FREM3: variants seen among roughly 807,000 people sequenced by gnomAD.
FREM3 encodes FRAS1-related extracellular matrix protein 3.
Under a neutral mutation model 129.1 loss-of-function variants are expected in FREM3, and 105 were observed. The observed-to-expected ratio is 0.81, with a 90% CI of 0.69 to 0.96. The LOEUF is 0.96. FREM3 is among the 40% of genes least tolerant of loss of function. The probability of loss-of-function intolerance (pLI) is 0.00; values close to 1 mark genes in which losing one functional copy is unlikely to be tolerated. For missense variants in FREM3, 2,593 were observed against 2,666.3 expected (o/e 0.97, Z 0.61); for synonymous variants, 1,014 against 1,044.9 (o/e 0.97, Z 0.57).
intron 2 of FREM3, among the ~76,000 whole-genome samples, chr4:143,651,754 G>C (rs549218523): frequency 3.9e-5 from 6 of 152,166 alleles, no homozygotes; most frequent in Non-Finnish European, 8.8e-5. Flanking sequence ...TTTAACCTGT[G>C]AGAAAATAAT....
intron 7 of FREM3, among the ~76,000 whole-genome samples, chr4:143,580,029 T>C (rs1290427408): frequency 6.6e-6 from 1 of 152,094 alleles, no homozygotes; most frequent in Non-Finnish European, 1.5e-5. Context: ...CCTAACCAAA[T>C]GGGTTTATTC....
At chr4:143,670,412 TTATC>T (rs1460088539) in intron 2 of FREM3, among the ~76,000 whole-genome samples, 1 of 152,194 alleles carries the variant, frequency 6.6e-6, no homozygotes, top group African/African-American at 2.4e-5. Flanking sequence ...GTATTTATAA[TTATC>T]TACTTACTAG....
At chr4:143,621,556 AAG>A (rs1349553154) in intron 4 of FREM3, among the ~76,000 whole-genome samples, 3 of 152,234 alleles carry the variant, frequency 2.0e-5, no homozygotes, top group African/African-American at 7.2e-5. Context: ...TTCATTAATG[AAG>A]AAAACTGTTT....
At chr4:143,600,101 A>G (rs1578829265) in intron 6 of FREM3, among the ~76,000 whole-genome samples, 1 of 152,236 alleles carries the variant, frequency 6.6e-6, no homozygotes, top group East Asian at 1.9e-4. Flanking sequence ...AGAAGCCCTT[A>G]AATCTTTCCA....
intron 7 of FREM3, among the ~76,000 whole-genome samples, chr4:143,582,135 A>G (rs1049528372): frequency 5.3e-5 from 8 of 152,032 alleles, no homozygotes; most frequent in Admixed American, 5.2e-4. Flanking sequence ...TGCCATTACC[A>G]CTGCTAAGGT....
rs2149851514 is a variant in FREM3, at chr4:143,659,620, TGG to T, written c.5276-31862_5276-31861del. 2.2e-5 allele frequency among the ~76,000 whole-genome samples: 3 copies of T among 137,378 alleles called. No homozygotes were observed. In the South Asian group the frequency reaches 6.9e-4, roughly 32 times the overall value. The allele number at this position is 137,378 out of a possible 152,430, so 90.1% of individuals were successfully genotyped here. A position where few individuals can be genotyped will look rare whatever the true frequency, so the allele number is the denominator to read the frequency against. On this transcript the variant is annotated intron_variant, in intron 2 of 7. Coordinates refer to ENST00000329798, the MANE Select transcript of FREM3 (RefSeq NM_001168235.2). ...CCAGTAATGGGATGGCTGGGTCAAA[TGG>T]TATTTCTAGTTCTAGATCCCTGAGG...
Position 143,611,279 on chromosome 4 carries a change from C to T in FREM3, c.6028G>A (p.Glu2010Lys), listed in dbSNP as rs1183201172. The T allele has an allele frequency of 6.5e-7, 1 of 1,535,338 alleles. No homozygotes were observed. Among genetic ancestry groups the T allele is most frequent in the Non-Finnish European group, 8.7e-7 (1 of 1,145,616 alleles). ...GTTGGAAAGCAACAAATGGACTTAC[C>T]ATCATAACGATCAGCCAGAATAGTC... ...KVTILADRYD[E>K]PVLHFGDAEY... The change falls in exon 6 of 8, where the codon GAA (glutamate) becomes AAA (lysine). Residue 2010 changes from glutamate to lysine, a missense_variant and splice_region_variant. By Grantham distance (56) the Glu-to-Lys change is moderately conservative. Transcript: ENST00000329798.
At chr4:143,613,706 C>G (rs1738798483) in intron 5 of FREM3, among the ~76,000 whole-genome samples, 1 of 152,178 alleles carries the variant, frequency 6.6e-6, no homozygotes, top group African/African-American at 2.4e-5. Context: ...TTGGAGAACA[C>G]AGTTCTCAAT....
chr4:143,632,685 G>A (rs1430000476), intron 2 of FREM3, among the ~76,000 whole-genome samples: 1 of 152,082 alleles, frequency 6.6e-6, no homozygotes, highest in Non-Finnish European at 1.5e-5. Flanking sequence ...GAGGATTTGG[G>A]ATTTGATGAG....
rs368245426 is a variant in FREM3 at position 143,585,937 on chromosome 4, C to T, written c.6085G>A (p.Val2029Met). Residue 2029 changes from valine (V) to methionine (M), a missense_variant, in exon 7 of 8, where the codon GTG becomes ATG. Coordinates refer to ENST00000329798, the MANE Select transcript of FREM3 (RefSeq NM_001168235.2). This position sits in a 1 kb window ranked among gnomAD's most constrained non-coding sequence, Gnocchi z 4.2. ...EYHVNESARYVEVCVWRRGTD... is the reference protein window; with the variant it reads ...EYHVNESARYMEVCVWRRGTD... ...CCTCTTCTCCAAACACAAACCTCCA[C>T]GTAGCGAGCACTTTCATTGACGTGA... 155 of 1,537,460 alleles carry T rather than the reference C, an allele frequency of 1.0e-4. 2 individuals are homozygous for T. Among genetic ancestry groups the T allele is most frequent in the African/African-American group, 1.2e-4 (9 of 73,034 alleles).
intron 2 of FREM3, among the ~76,000 whole-genome samples, chr4:143,692,329 T>C (rs1414806351): frequency 6.6e-6 from 1 of 152,192 alleles, no homozygotes; most frequent in East Asian, 1.9e-4. Flanking sequence ...AGGACTACTT[T>C]ACAATAAATT....
intron 2 of FREM3, among the ~76,000 whole-genome samples, chr4:143,689,841 A>C (rs1740433469): frequency 6.7e-6 from 1 of 148,332 alleles, no homozygotes; most frequent in Non-Finnish European, 1.5e-5. Flanking sequence ...ATGATGATGC[A>C]AAGGCATAAG....
chr4:143,665,266 C>G (rs1229324186), intron 2 of FREM3, among the ~76,000 whole-genome samples: 1 of 152,046 alleles, frequency 6.6e-6, no homozygotes, highest in Non-Finnish European at 1.5e-5. Context: ...TCTTGGGACG[C>G]TTTCCTTGAG....
In FREM3 at chr4:143,662,202, T is replaced by C. The variant is rs549150798; in HGVS notation, c.5275+30911A>G. On this transcript the variant is annotated intron_variant, in intron 2 of 7. Transcript: ENST00000329798. ...TGTTAGGGTGTCAGTTTTGGATCTT[T>C]CCTGCTTTCTCTTGTGGGCATTTAG... Among the ~76,000 whole-genome samples the C allele has an allele frequency of 2.8e-3, 430 of 152,346 alleles. 3 individuals carry two copies. Among genetic ancestry groups the C allele is most frequent in the African/African-American group, 0.01 (418 of 41,580 alleles).
At chr4:143,610,583 G>C (rs975972730) in intron 6 of FREM3, among the ~76,000 whole-genome samples, 1 of 152,176 alleles carries the variant, frequency 6.6e-6, no homozygotes, top group African/African-American at 2.4e-5. Flanking sequence ...GCATGGTTGA[G>C]AGATGAAGCA....
At chr4:143,655,756 G>A (rs1200584483) in intron 2 of FREM3, among the ~76,000 whole-genome samples, 1 of 152,142 alleles carries the variant, frequency 6.6e-6, no homozygotes, top group Non-Finnish European at 1.5e-5. Context: ...AGAGCAAATC[G>A]GAGTGAACCT....
chr4:143,697,017 T>A lies in FREM3; in HGVS notation c.3659A>T (p.Asp1220Val), dbSNP rs572390605. 7 of 1,537,538 alleles carry A rather than the reference T, an allele frequency of 4.6e-6. No homozygotes were observed. Among genetic ancestry groups the A allele is most frequent in the Non-Finnish European group, 5.2e-6 (6 of 1,146,982 alleles). The change falls in exon 1 of 8, where the codon GAT becomes GTT. Residue 1220 changes from aspartate to valine, a missense_variant. Asp to Val is a radical substitution (Grantham distance 152). This residue lies in a region of FREM3 where 2,276 missense variants were observed against 2,267.2 expected (regional missense o/e 1.00). Transcript: ENST00000329798. ...VIDTQLLNGA[D>V]ADLPPNELHF... Reference sequence around the variant, plus strand: ...GAGCTCATTTGGTGGCAGGTCAGCATCTGCTCCATTAAGCAGCTGGGTGTC... The same window carrying A: ...GAGCTCATTTGGTGGCAGGTCAGCAACTGCTCCATTAAGCAGCTGGGTGTC...
chr4:143,661,335 T>C (rs1046277857), intron 2 of FREM3, among the ~76,000 whole-genome samples: 1 of 152,238 alleles, frequency 6.6e-6, no homozygotes, highest in Non-Finnish European at 1.5e-5. Context: ...TTTCTGCATC[T>C]ATTGAGATAA....
chr4:143,636,234 CAT>C lies in FREM3; in HGVS notation c.5276-8476_5276-8475del, dbSNP rs150532085. On this transcript the variant is annotated intron_variant, in intron 2 of 7. Transcript: ENST00000329798. ...CTAAAGAAAAAAAAAGAAAGGAAAACATATAACCTCATACTGGGAAATGAGAG... is the reference window on the plus strand; with the variant it reads ...CTAAAGAAAAAAAAAGAAAGGAAAACATAACCTCATACTGGGAAATGAGAG... Among the ~76,000 whole-genome samples the C allele has an allele frequency of 8.6e-3, 1,196 of 138,838 alleles. 21 individuals carry two copies. The highest frequency in any genetic ancestry group is 0.031 in the African/African-American group (1,147 of 37,458). 91.1% of individuals were successfully genotyped at this position (138,838 alleles called of 152,430 possible). A position where few individuals can be genotyped will look rare whatever the true frequency, so the allele number is the denominator to read the frequency against.
Sources: allele counts gnomAD v4.1 joint callset (sites outside exome capture counted in the v4.1 genomes callset), GRCh38; gene constraint gnomAD v4.1.1; regional missense constraint gnomAD v4.1.1; non-coding constraint Gnocchi (gnomAD v3.1); transcripts MANE v1.5; gene names NCBI Gene and HGNC (gene_info 2026-07-23, HGNC 2026-07-21).